NRG3: variants seen among roughly 807,000 people sequenced by gnomAD.
NRG3 encodes neuregulin 3, also known as pro-neuregulin-3, membrane-bound isoform.
In NRG3, 31 loss-of-function variants were observed where a neutral mutation model predicts 66.9. That is an observed-to-expected ratio of 0.46 (90% CI 0.35 to 0.63). The LOEUF (loss-of-function observed/expected upper bound fraction) is 0.63. Ranked by LOEUF, NRG3 falls within the 20% of genes least tolerant of loss-of-function variation. NRG3 has a pLI of 0.00. For synonymous variants in NRG3, 393 were observed against 359.4 expected (o/e 1.09, Z -1.06); for missense variants, 910 against 878.9 (o/e 1.04, Z -0.45).
At chr10:82,522,659 A>G (rs981386105) in intron 2 of NRG3, among the ~76,000 whole-genome samples, 2 of 152,118 alleles carry the variant, frequency 1.3e-5, no homozygotes, top group African/African-American at 2.4e-5. Context: ...AAAATGCAAT[A>G]TCTGCAAAGT....
At chr10:82,099,346 G>C in intron 1 of NRG3, among the ~76,000 whole-genome samples, 1 of 152,120 alleles carries the variant, frequency 6.6e-6, no homozygotes, top group East Asian at 1.9e-4. Context: ...TGCCTGTGTA[G>C]GAAAAATCAC....
chr10:82,410,444 T>C (rs1400797743), intron 2 of NRG3, among the ~76,000 whole-genome samples: 3 of 113,384 alleles, frequency 2.6e-5, no homozygotes, highest in Non-Finnish European at 4.9e-5. Context: ...TATGAGTCCA[T>C]ATATACATAT....
At chr10:82,517,642 TG>T (rs1845794182) in intron 2 of NRG3, among the ~76,000 whole-genome samples, 2 of 86,716 alleles carry the variant, frequency 2.3e-5, no homozygotes, top group Non-Finnish European at 3.9e-5. Context: ...CCCCCGTGTG[TG>T]TTTGTGTGTG....
At chr10:82,555,016 T>A (rs1403812706) in intron 2 of NRG3, among the ~76,000 whole-genome samples, 2 of 152,168 alleles carry the variant, frequency 1.3e-5, no homozygotes. Flanking sequence ...CCTCACTGTG[T>A]TCTAGTCCCC....
chr10:82,299,592 G>T (rs977304616), intron 1 of NRG3, among the ~76,000 whole-genome samples: 27 of 148,206 alleles, frequency 1.8e-4, no homozygotes, highest in Non-Finnish European at 3.9e-4. Flanking sequence ...TTGTTTTTTT[G>T]AATAATGCTT....
At chr10:82,615,224 C>A (rs746048973) in intron 2 of NRG3, among the ~76,000 whole-genome samples, 2 of 151,682 alleles carry the variant, frequency 1.3e-5, no homozygotes, top group Non-Finnish European at 2.9e-5. Context: ...ACATAGTTTG[C>A]GAGTTTAGAA....
At chr10:82,893,549 G>T (rs111944978) in intron 4 of NRG3, among the ~76,000 whole-genome samples, 2 of 152,084 alleles carry the variant, frequency 1.3e-5, no homozygotes, top group African/African-American at 4.8e-5. Flanking sequence ...TTTGCTGGGT[G>T]TGTTGGCGTG....
intron 1 of NRG3, among the ~76,000 whole-genome samples, chr10:82,078,813 G>T (rs1456435037): frequency 6.6e-6 from 1 of 152,170 alleles, no homozygotes; most frequent in African/African-American, 2.4e-5. Flanking sequence ...TAAGTATTTT[G>T]CAGAAATTAA....
intron 2 of NRG3, among the ~76,000 whole-genome samples, chr10:82,503,666 A>G (rs945034518): frequency 3.3e-5 from 5 of 152,134 alleles, no homozygotes; most frequent in African/African-American, 1.2e-4. Context: ...TGTAGGGCAG[A>G]ACACTGTGGG....
intron 1 of NRG3, among the ~76,000 whole-genome samples, chr10:82,169,698 T>C (rs565450369): frequency 4.9e-4 from 75 of 151,964 alleles, no homozygotes; most frequent in Non-Finnish European, 8.8e-4. Flanking sequence ...TTCTACTTGC[T>C]CTCTCTGTAA....
chr10:82,241,900 G>A (rs768844497), intron 1 of NRG3, among the ~76,000 whole-genome samples: 1 of 152,098 alleles, frequency 6.6e-6, no homozygotes, highest in Middle Eastern at 3.2e-3. Context: ...GGACTGGAAG[G>A]ATCTTTCTCA....
intron 4 of NRG3, among the ~76,000 whole-genome samples, chr10:82,923,912 C>T (rs185194006): frequency 2.9e-3 from 439 of 151,736 alleles, no homozygotes; most frequent in African/African-American, 0.01. Context: ...GCCTGGCCAA[C>T]ATGGTGAAAC....
chr10:81,978,147 A>G (rs2060195198), intron 1 of NRG3, among the ~76,000 whole-genome samples: 1 of 152,130 alleles, frequency 6.6e-6, no homozygotes. Context: ...GTAATTGTGT[A>G]TTATTTAACA....
At chr10:81,929,815 T>C (rs1018435893) in intron 1 of NRG3, among the ~76,000 whole-genome samples, 1 of 152,196 alleles carries the variant, frequency 6.6e-6, no homozygotes, top group Non-Finnish European at 1.5e-5. Context: ...TTTACAGAAG[T>C]CTACCAGATG....
chr10:82,216,481 T>A (rs1282795827), intron 1 of NRG3, among the ~76,000 whole-genome samples: 2 of 149,662 alleles, frequency 1.3e-5, no homozygotes, highest in Non-Finnish European at 3.0e-5. Flanking sequence ...TGTGTGTGTG[T>A]GTATGTGTCT....
chr10:82,134,380 T>C (rs2132554009), intron 1 of NRG3, among the ~76,000 whole-genome samples: 1 of 152,328 alleles, frequency 6.6e-6, no homozygotes, highest in Middle Eastern at 3.4e-3. Flanking sequence ...TCCAAGGTTT[T>C]TATAGTTTGG....
At chr10:82,054,252 T>C (rs2063731200) in intron 1 of NRG3, among the ~76,000 whole-genome samples, 1 of 152,122 alleles carries the variant, frequency 6.6e-6, no homozygotes, top group African/African-American at 2.4e-5. Context: ...TTAGAAAGCT[T>C]TTTCAATAAT....
chr10:82,428,421 C>T (rs1042664134), intron 2 of NRG3, among the ~76,000 whole-genome samples: 6 of 151,578 alleles, frequency 4.0e-5, no homozygotes, highest in African/African-American at 1.5e-4. Context: ...TCCTAATTCC[C>T]CTTGTGAATT....
chr10:81,879,428 A>T (rs554895878), intron 1 of NRG3, among the ~76,000 whole-genome samples: 1 of 152,330 alleles, frequency 6.6e-6, no homozygotes, highest in Non-Finnish European at 1.5e-5. Context: ...ATATAGTTGT[A>T]CAATGCTGCC....
Sources: gnomAD v4.1 joint callset for allele counts (sites outside exome capture counted in the v4.1 genomes callset) on GRCh38, gnomAD v4.1.1 for gene constraint, MANE v1.5 for transcripts, NCBI Gene and HGNC (gene_info 2026-07-23, HGNC 2026-07-21) for gene names.